CLPTM1: variants seen among roughly 807,000 people sequenced by gnomAD.
The protein encoded by CLPTM1 is CLPTM1 regulator of GABA type A receptor forward trafficking, also known as putative lipid scramblase CLPTM1.
In CLPTM1, 21 loss-of-function variants were observed where a neutral mutation model predicts 77.3. The observed-to-expected ratio is 0.27, with a 90% CI of 0.19 to 0.39. The LOEUF is 0.39. Among genes scored for constraint, CLPTM1 ranks in the 10% least tolerant of loss-of-function variants. The pLI is 1.00. For synonymous variants in CLPTM1, 373 were observed against 381.0 expected (o/e 0.98, Z 0.24); for missense variants, 642 against 921.2 (o/e 0.70, Z 3.92).
Position 44,990,678 on chromosome 19 carries a change from T to G in CLPTM1, c.1323+93T>G. 3.5e-6 allele frequency: 5 copies of G among 1,445,908 alleles called. No homozygotes were observed. The highest frequency in any genetic ancestry group is 4.8e-6 in the Non-Finnish European group (5 of 1,044,130). 89.6% of individuals were successfully genotyped at this position (1,445,908 alleles called of 1,614,324 possible). On this transcript the variant is annotated intron_variant, in intron 10 of 13. Transcript: ENST00000337392. This position sits in a 1 kb window ranked among gnomAD's most constrained non-coding sequence, Gnocchi z 4.8. ...GACCCTGGAGCTGGCCCCCGGGGGA[T>G]TCCCAGCAAGTGCCTCACTCCCAGG...
At chr19:44,961,873 C>T (rs1202355518) in intron 1 of CLPTM1, 90 bp from the exon 2 acceptor site, 3 of 772,556 alleles carry the variant, frequency 3.9e-6, no homozygotes, top group African/African-American at 1.8e-5. Context: ...CACTCTTTGC[C>T]CAGCCTGTGC....
At chr19:44,962,728 G>A (rs1335375666) in intron 2 of CLPTM1, among the ~76,000 whole-genome samples, 1 of 152,062 alleles carries the variant, frequency 6.6e-6, no homozygotes, top group African/African-American at 2.4e-5. Context: ...CCAGGAGTTT[G>A]AGACCAGCCT....
rs1322813503 is a variant in CLPTM1 at position 44,993,023 on chromosome 19, C to T, written c.*126C>T. 2.5e-6 allele frequency: 3 copies of T among 1,199,962 alleles called. 1 individual carries two copies. The highest frequency in any genetic ancestry group is 3.6e-6 in the Non-Finnish European group (3 of 836,690). The allele number at this position is 1,199,962 out of a possible 1,614,324, so 74.3% of individuals were successfully genotyped here. A position where few individuals can be genotyped will look rare whatever the true frequency, so the allele number is the denominator to read the frequency against. On this transcript the variant is annotated 3_prime_UTR_variant, in exon 14 of 14. Transcript: ENST00000337392. ...GGCCGGGGCGGTGGGAGGCCCGCCT[C>T]AGGTCAGGGCCCAGCGTGTGATGTA...
chr19:44,992,442 G>T lies in CLPTM1; in HGVS notation c.1723+42G>T. 2 of 1,612,312 alleles carry T rather than the reference G, an allele frequency of 1.2e-6. No homozygotes were observed. The highest frequency in any genetic ancestry group is 1.7e-6 in the Non-Finnish European group (2 of 1,178,830). ...AGGTGGGAGCTCCCACCGGAACAGG[G>T]CCCTGAGGCAGTCTTTAGGGCCCAG... On this transcript the variant is annotated intron_variant, in intron 13 of 13. Transcript: ENST00000337392. The surrounding 1 kb of genome is among the most constrained non-coding windows in gnomAD (Gnocchi z 7.7).
At chr19:44,973,354 T>G in intron 3 of CLPTM1, 144 bp downstream of exon 3, 2 of 1,074,568 alleles carry the variant, frequency 1.9e-6, no homozygotes, top group Non-Finnish European at 2.7e-6. Flanking sequence ...TGAGGAACTC[T>G]GGGCCCATCC....
In CLPTM1 at chr19:44,990,773, G is replaced by C; in HGVS notation, c.1324-77G>C. 2.9e-6 allele frequency: 4 copies of C among 1,372,986 alleles called. No homozygotes were observed. In the South Asian group the frequency reaches 3.6e-5, roughly 12 times the overall value. 85.1% of individuals were successfully genotyped at this position (1,372,986 alleles called of 1,614,324 possible). ...GGGCAGGGGAACTGGGAACGGTGGG[G>C]AAGGGCAGGGGCTGGTTCTGGCTTG... On this transcript the variant is annotated intron_variant, in intron 10 of 13. Coordinates refer to ENST00000337392, the MANE Select transcript of CLPTM1 (RefSeq NM_001294.4). The surrounding 1 kb of genome is among the most constrained non-coding windows in gnomAD (Gnocchi z 4.8).
chr19:44,985,488 C>T (rs1970963553), intron 6 of CLPTM1, among the ~76,000 whole-genome samples, 185 bp downstream of exon 6: 1 of 152,170 alleles, frequency 6.6e-6, no homozygotes, highest in East Asian at 1.9e-4. Context: ...AGCTGTCTCT[C>T]AGGGAGTGAG....
At chr19:44,962,385 T>G (rs1970558605) in intron 2 of CLPTM1, among the ~76,000 whole-genome samples, 3 of 151,898 alleles carry the variant, frequency 2.0e-5, no homozygotes, top group Non-Finnish European at 4.4e-5. Flanking sequence ...ATAGACGGAG[T>G]AGCTTAAACA....
At chr19:44,979,513 GC>G (rs1459584577) in intron 5 of CLPTM1, among the ~76,000 whole-genome samples, 4 of 152,156 alleles carry the variant, frequency 2.6e-5, no homozygotes, top group Non-Finnish European at 4.4e-5. Flanking sequence ...GGGTGGCGCA[GC>G]AACAGACAGA....
At chr19:44,963,207 CAAAAAAAAAAAAA>C (rs778157562) in intron 2 of CLPTM1, among the ~76,000 whole-genome samples, 2 of 29,058 alleles carry the variant, frequency 6.9e-5, no homozygotes, top group Non-Finnish European at 1.2e-4. Flanking sequence ...GACTCCATCT[CAAAAAAAAAAAAA>C]AAAAAAAAGC....
Position 44,993,248 on chromosome 19 carries a change from C to G in CLPTM1, c.*351C>G, listed in dbSNP as rs1032475292. 9.9e-6 allele frequency: 5 copies of G among 504,534 alleles called. No individual in the cohort carries two copies. Among genetic ancestry groups the G allele is most frequent in the African/African-American group, 1.9e-5 (1 of 52,444 alleles). The allele number at this position is 504,534 out of a possible 1,614,324, so 31.3% of individuals were successfully genotyped here. A position where few individuals can be genotyped will look rare whatever the true frequency, so the allele number is the denominator to read the frequency against. On this transcript the variant is annotated 3_prime_UTR_variant, in exon 14 of 14. Coordinates refer to ENST00000337392, the MANE Select transcript of CLPTM1 (RefSeq NM_001294.4). ...TGCCCACGGCCGTTCATCATCTTGT[C>G]CCTCGTCCCCCTACCACACTCCCCC...
rs371543810 is a variant in CLPTM1 at position 44,973,175 on chromosome 19, G to A, written c.274G>A (p.Ala92Thr). 21 of 1,613,486 alleles carry A rather than the reference G, an allele frequency of 1.3e-5. No homozygotes were observed. The highest frequency in any genetic ancestry group is 8.0e-5 in the African/African-American group (6 of 75,048). The change falls in exon 3 of 14, where the codon GCC becomes ACC. Residue 92 changes from alanine (A) to threonine (T), a missense_variant. This residue lies in a region of CLPTM1 where 521 missense variants were observed against 800.4 expected (regional missense o/e 0.65). Transcript: ENST00000337392. Reference sequence around the variant, plus strand: ...GGGCCCCGGAGGAGCTCCACGCGTCGCCAGCCGCAACCTGTTCCCCAAAGA... The same window carrying A: ...GGGCCCCGGAGGAGCTCCACGCGTCACCAGCCGCAACCTGTTCCCCAAAGA... ...QAGPGGAPRV[A>T]SRNLFPKDTL...
intron 2 of CLPTM1, among the ~76,000 whole-genome samples, chr19:44,971,671 A>G (rs539065849): frequency 6.6e-6 from 1 of 151,292 alleles, no homozygotes; most frequent in African/African-American, 2.4e-5. Flanking sequence ...TGACTCTCTC[A>G]CCTCAGTCCC....
intron 2 of CLPTM1, among the ~76,000 whole-genome samples, chr19:44,965,787 C>T (rs2122251364): frequency 6.6e-6 from 1 of 152,336 alleles, no homozygotes; most frequent in East Asian, 1.9e-4. Context: ...GCACTCCAGC[C>T]TAGGCGACAG....
intron 2 of CLPTM1, among the ~76,000 whole-genome samples, chr19:44,971,824 G>A (rs1360390465): frequency 6.7e-6 from 1 of 149,028 alleles, no homozygotes; most frequent in African/African-American, 2.5e-5. Context: ...TTCCCAAAGT[G>A]CTGGGATTAC....
chr19:44,991,006 C>T lies in CLPTM1; in HGVS notation c.1419+61C>T. 7.1e-7 allele frequency: 1 copy of T among 1,404,378 alleles called. No individual in the cohort carries two copies. Among genetic ancestry groups the T allele is most frequent in the Admixed American group, 1.8e-5 (1 of 56,818 alleles). The allele number at this position is 1,404,378 out of a possible 1,614,324, so 87.0% of individuals were successfully genotyped here. A position where few individuals can be genotyped will look rare whatever the true frequency, so the allele number is the denominator to read the frequency against. Reference sequence around the variant, plus strand: ...CTCCAGGTACCACGTATCCCTGAGGCACCCGGGGCCGGCCATCTGTCTGCC... The same window carrying T: ...CTCCAGGTACCACGTATCCCTGAGGTACCCGGGGCCGGCCATCTGTCTGCC... On this transcript the variant is annotated intron_variant, in intron 11 of 13. Coordinates refer to ENST00000337392, the MANE Select transcript of CLPTM1 (RefSeq NM_001294.4). The surrounding 1 kb of genome is among the most constrained non-coding windows in gnomAD (Gnocchi z 5.4).
At chr19:44,955,331 G>A, upstream of CLPTM1, 1 of 1,149,138 alleles carries the variant, frequency 8.7e-7, no homozygotes, top group South Asian at 1.8e-5. Flanking sequence ...AATCTCGCGC[G>A]ATTGCGCTGC....
intron 2 of CLPTM1, among the ~76,000 whole-genome samples, chr19:44,963,233 G>C (rs892069388): frequency 3.9e-5 from 5 of 126,656 alleles, no homozygotes; most frequent in African/African-American, 1.5e-4. Context: ...AAAAAAGCCA[G>C]GTATGGTGAC....
intron 1 of CLPTM1, among the ~76,000 whole-genome samples, chr19:44,959,685 A>G (rs1205792415): frequency 2.0e-5 from 3 of 152,172 alleles, no homozygotes; most frequent in Non-Finnish European, 4.4e-5. Context: ...CTGGGTAGCC[A>G]TTCAGGATGG....
Sources: gnomAD v4.1 joint callset for allele counts (sites outside exome capture counted in the v4.1 genomes callset) on GRCh38, gnomAD v4.1.1 for gene constraint, gnomAD v4.1.1 regional missense constraint, Gnocchi (gnomAD v3.1) non-coding constraint, MANE v1.5 for transcripts, NCBI Gene and HGNC (gene_info 2026-07-23, HGNC 2026-07-21) for gene names.